Variants in CHST8 observed in about 807,000 individuals in gnomAD.
CHST8 encodes GALNAC-4-ST1.
A neutral mutation model predicts 15.0 loss-of-function variants in CHST8; 10 were observed. That is an observed-to-expected ratio of 0.67 (90% CI 0.41 to 1.13). The LOEUF is 1.13. CHST8 is among the 50% of genes most tolerant of loss of function. The probability of loss-of-function intolerance (pLI) is 0.00; values close to 1 mark genes in which losing one functional copy is unlikely to be tolerated. For synonymous variants in CHST8, 259 were observed against 256.6 expected, an observed-to-expected ratio of 1.01 and a Z score of -0.09; for missense variants, 634 against 608.2, an observed-to-expected ratio of 1.04 and a Z score of -0.45.
rs532712954 is a variant in CHST8, at chr19:33,656,950, G to A, written c.-163-10817G>A. On this transcript the variant is annotated intron_variant, in intron 1 of 4. Coordinates refer to ENST00000650847, the MANE Select transcript of CHST8 (RefSeq NM_001127895.2). ...GTTACAGGAATATGTATATTTCTAT[G>A]CATTCTATATGTTATATATGCATAT... Among the ~76,000 whole-genome samples, 4 of 152,064 alleles carry A rather than the reference G, an allele frequency of 2.6e-5. No individual in the cohort carries two copies. The East Asian group carries it at 5.8e-4, about 22-fold the overall frequency.
intron 3 of CHST8, among the ~76,000 whole-genome samples, chr19:33,694,168 TCATATATA>T (rs1973158675): frequency 2.3e-5 from 1 of 42,950 alleles, no homozygotes; most frequent in African/African-American, 1.0e-4. Context: ...TGTAGTTTAT[TCATATATA>T]TATATATATA....
At chr19:33,759,008 G>T (rs752372510) in intron 3 of CHST8, among the ~76,000 whole-genome samples, 2 of 152,104 alleles carry the variant, frequency 1.3e-5, no homozygotes, top group East Asian at 3.9e-4. Flanking sequence ...CAGGAACAAA[G>T]GGTGAGACTT....
At chr19:33,669,984 G>T (rs1220485874) in intron 2 of CHST8, among the ~76,000 whole-genome samples, 14 of 152,116 alleles carry the variant, frequency 9.2e-5, no homozygotes, top group Non-Finnish European at 2.1e-4. Flanking sequence ...TTCCATTAAG[G>T]GTGTTCCAGA....
intron 3 of CHST8, among the ~76,000 whole-genome samples, chr19:33,698,859 G>A (rs531656699): frequency 1.3e-5 from 2 of 152,054 alleles, no homozygotes; most frequent in Admixed American, 1.3e-4. Flanking sequence ...CTGCACCTGC[G>A]TTTCCACTCA....
At chr19:33,766,294 T>C (rs879608464) in intron 3 of CHST8, among the ~76,000 whole-genome samples, 30 of 152,128 alleles carry the variant, frequency 2.0e-4, no homozygotes, top group African/African-American at 6.7e-4. Context: ...TCTCTGTCTC[T>C]CTGATAACCC....
chr19:33,670,273 C>A (rs1167117564), intron 2 of CHST8, among the ~76,000 whole-genome samples: 1 of 152,158 alleles, frequency 6.6e-6, no homozygotes, highest in Admixed American at 6.5e-5. Flanking sequence ...TCAGTGAATT[C>A]AAATTGCACA....
At chr19:33,640,798 T>C (rs73029371) in intron 1 of CHST8, among the ~76,000 whole-genome samples, 1,789 of 152,096 alleles carry the variant, frequency 0.012, 18 homozygotes, top group Middle Eastern at 0.041. Flanking sequence ...TCCAGCGAAG[T>C]GGGGTGCTCC....
intron 2 of CHST8, among the ~76,000 whole-genome samples, chr19:33,676,982 T>G (rs1241781070): frequency 6.6e-6 from 1 of 152,174 alleles, no homozygotes; most frequent in Non-Finnish European, 1.5e-5. Flanking sequence ...AAACATAATT[T>G]TTATTATGAA....
intron 1 of CHST8, among the ~76,000 whole-genome samples, chr19:33,667,294 A>G (rs557399348): frequency 6.6e-6 from 1 of 152,276 alleles, no homozygotes; most frequent in African/African-American, 2.4e-5. Context: ...AACGTAGGAG[A>G]AAGCCTTCCT....
chr19:33,674,564 A>T (rs1031214331), intron 2 of CHST8, among the ~76,000 whole-genome samples: 3 of 152,172 alleles, frequency 2.0e-5, no homozygotes, highest in Non-Finnish European at 2.9e-5. Flanking sequence ...TCCATCACTA[A>T]TGATCGTGGA....
chr19:33,726,597 T>C (rs1973905500), intron 3 of CHST8, among the ~76,000 whole-genome samples: 1 of 152,042 alleles, frequency 6.6e-6, no homozygotes, highest in Admixed American at 6.6e-5. Context: ...GTGAAGGGTG[T>C]GGGCACTAGA....
intron 1 of CHST8, among the ~76,000 whole-genome samples, chr19:33,665,779 G>A (rs4805920): frequency 0.24 from 36,603 of 152,140 alleles, 4,679 homozygotes; most frequent in Admixed American, 0.36. Flanking sequence ...AGGGTGGAGG[G>A]GATGGGCAGG....
intron 1 of CHST8, among the ~76,000 whole-genome samples, chr19:33,663,659 C>G (rs746587490): frequency 2.0e-4 from 30 of 152,152 alleles, no homozygotes; most frequent in Middle Eastern, 6.8e-3. Flanking sequence ...TCACTTGAGG[C>G]CAGGAGTTCG....
intron 3 of CHST8, among the ~76,000 whole-genome samples, chr19:33,729,146 G>T (rs2145322574): frequency 6.6e-6 from 1 of 152,318 alleles, no homozygotes; most frequent in South Asian, 2.1e-4. Flanking sequence ...TCAGTTTCCG[G>T]TAGAACTTAG....
chr19:33,754,468 C>T (rs1165754087), intron 3 of CHST8, among the ~76,000 whole-genome samples: 5 of 152,108 alleles, frequency 3.3e-5, no homozygotes, highest in South Asian at 2.1e-4. Context: ...GGGACCTTGC[C>T]GTGCATCTTA....
chr19:33,764,377 G>A (rs1974791012), intron 3 of CHST8, among the ~76,000 whole-genome samples: 1 of 152,208 alleles, frequency 6.6e-6, no homozygotes, highest in South Asian at 2.1e-4. Flanking sequence ...GCTCATGGCT[G>A]TAATCCCAGC....
At chr19:33,724,570 A>T (rs556287178) in intron 3 of CHST8, among the ~76,000 whole-genome samples, 2 of 152,202 alleles carry the variant, frequency 1.3e-5, no homozygotes, top group South Asian at 4.1e-4. Context: ...GCCCTCCCTC[A>T]CTGAGTGTGG....
At chr19:33,711,564 C>A (rs568247267) in intron 3 of CHST8, among the ~76,000 whole-genome samples, 1 of 152,132 alleles carries the variant, frequency 6.6e-6, no homozygotes, top group Non-Finnish European at 1.5e-5. Flanking sequence ...GAAGAAAATG[C>A]AACCAGAAAG....
chr19:33,666,368 C>A (rs1972660888), intron 1 of CHST8, among the ~76,000 whole-genome samples: 1 of 152,254 alleles, frequency 6.6e-6, no homozygotes, highest in South Asian at 2.1e-4. Flanking sequence ...GCTGTCTCCT[C>A]CTCCCAGCCT....
Sources: gnomAD v4.1 joint callset for allele counts (sites outside exome capture counted in the v4.1 genomes callset) on GRCh38, gnomAD v4.1.1 for gene constraint, MANE v1.5 for transcripts, NCBI Gene and HGNC (gene_info 2026-07-23, HGNC 2026-07-21) for gene names.